HERC1: variants seen among roughly 807,000 people sequenced by gnomAD.
HERC1 encodes probable E3 ubiquitin-protein ligase HERC1.
Under a neutral mutation model 554.3 loss-of-function variants are expected in HERC1, and 160 were observed. The observed-to-expected ratio is 0.29, with a 90% CI of 0.25 to 0.33. HERC1 has a LOEUF of 0.33. Ranked by LOEUF, HERC1 falls within the 10% of genes least tolerant of loss-of-function variation. The pLI is 1.00. For synonymous variants in HERC1, 2,175 were observed against 2,131.7 expected (o/e 1.02, Z -0.56); for missense variants, 4,919 against 5,918.5 (o/e 0.83, Z 5.54).
chr15:63,610,025 A>G (rs1218905663), intron 77 of HERC1, among the ~76,000 whole-genome samples: 1 of 152,178 alleles, frequency 6.6e-6, no homozygotes, highest in African/African-American at 2.4e-5. Flanking sequence ...GAGAGACAGG[A>G]TTATATACGT....
At chr15:63,624,426 G>A in intron 71 of HERC1, 99 bp from the exon 72 acceptor site, 6 of 1,107,402 alleles carry the variant, frequency 5.4e-6, no homozygotes, top group Non-Finnish European at 7.7e-6. Flanking sequence ...GCTGGGCGCA[G>A]TGGCTCATGC....
intron 70 of HERC1, among the ~76,000 whole-genome samples, 157 bp from the exon 71 acceptor site, chr15:63,626,311 A>G (rs2068298184): frequency 6.6e-6 from 1 of 152,212 alleles, no homozygotes; most frequent in Admixed American, 6.5e-5. Flanking sequence ...TGGTGTGTGC[A>G]TTTGTGTTGG....
At position 63,723,390 on chromosome 15, in the gene HERC1, C is replaced by T. The variant is rs2073902618; in HGVS notation, c.3569-35G>A. 3 of 1,416,716 alleles carry T rather than the reference C, an allele frequency of 2.1e-6. No homozygotes were observed. The East Asian group carries it at 7.4e-5, about 35-fold the overall frequency. The allele number at this position is 1,416,716 out of a possible 1,614,324, so 87.8% of individuals were successfully genotyped here. A position where few individuals can be genotyped will look rare whatever the true frequency, so the allele number is the denominator to read the frequency against. On this transcript the variant is annotated intron_variant, in intron 18 of 77. Coordinates refer to ENST00000443617, the MANE Select transcript of HERC1 (RefSeq NM_003922.4). Reference sequence around the variant, plus strand: ...ATACTCACGTTACCAATTTTAACATCATAAATTTTGGTGCTACAGATAAAA... The same window carrying T: ...ATACTCACGTTACCAATTTTAACATTATAAATTTTGGTGCTACAGATAAAA...
At chr15:63,679,382 G>A (rs1361266864) in intron 36 of HERC1, among the ~76,000 whole-genome samples, 2 of 152,096 alleles carry the variant, frequency 1.3e-5, no homozygotes, top group Non-Finnish European at 2.9e-5. Flanking sequence ...AATTTTCTTG[G>A]TTAGAATATA....
At chr15:63,623,332 C>G (rs943269466) in intron 73 of HERC1, among the ~76,000 whole-genome samples, 28 of 152,182 alleles carry the variant, frequency 1.8e-4, no homozygotes, top group Non-Finnish European at 4.4e-5. Flanking sequence ...CAGTTCGTAA[C>G]TTTATTTTTC....
At chr15:63,693,480 G>A (rs1044820796) in intron 30 of HERC1, among the ~76,000 whole-genome samples, 3 of 152,108 alleles carry the variant, frequency 2.0e-5, no homozygotes, top group Non-Finnish European at 4.4e-5. Flanking sequence ...CTGGGCTCAA[G>A]CAATCCACCC....
intron 65 of HERC1, among the ~76,000 whole-genome samples, chr15:63,635,373 T>G (rs2068737623): frequency 6.6e-6 from 1 of 152,162 alleles, no homozygotes. Context: ...TCTGCCCAAG[T>G]TGCTCTCCTG....
chr15:63,706,842 TA>T lies in HERC1; in HGVS notation c.4585-12del, dbSNP rs762317701. The stretch of plus-strand genomic sequence containing the variant: ...ATTTCGTCTGCCACTCTATTAAAAG[TA>T]AAAAGTAAATAAATAAAATTTAGTT... On this transcript the variant is annotated splice_polypyrimidine_tract_variant and intron_variant, in intron 24 of 77. Coordinates refer to ENST00000443617, the MANE Select transcript of HERC1 (RefSeq NM_003922.4). 17 of 1,507,284 alleles carry T rather than the reference TA, an allele frequency of 1.1e-5. No homozygotes were observed. In the Admixed American group the frequency reaches 2.0e-4, roughly 18 times the overall value. The allele number at this position is 1,507,284 out of a possible 1,614,324, so 93.4% of individuals were successfully genotyped here. A position where few individuals can be genotyped will look rare whatever the true frequency, so the allele number is the denominator to read the frequency against.
chr15:63,652,014 C>T (rs1426859486), intron 52 of HERC1, among the ~76,000 whole-genome samples: 1 of 152,038 alleles, frequency 6.6e-6, no homozygotes, highest in Non-Finnish European at 1.5e-5. Flanking sequence ...CTAGCCTAGG[C>T]AGCAGAGCGA....
chr15:63,815,900 A>C (rs540867852), intron 1 of HERC1, among the ~76,000 whole-genome samples: 27 of 152,316 alleles, frequency 1.8e-4, no homozygotes, highest in African/African-American at 6.3e-4. Flanking sequence ...GGCAAGAAGG[A>C]GAAGTGCCTA....
chr15:63,634,255 T>A (rs1174355146), intron 66 of HERC1, among the ~76,000 whole-genome samples: 1 of 152,212 alleles, frequency 6.6e-6, no homozygotes, highest in Non-Finnish European at 1.5e-5. Context: ...CCCAAAAATA[T>A]TCATTCATAT....
At chr15:63,760,435 C>CAAAAAAAAAAAAAAAAAAAAA (rs34164820) in intron 3 of HERC1, among the ~76,000 whole-genome samples, 1 of 91,424 alleles carries the variant, frequency 1.1e-5, no homozygotes, top group Non-Finnish European at 2.0e-5. Flanking sequence ...AGACACCATC[C>CAAAAAAAAAAAAAAAAAAAAA]AAAAAAAAAA....
At chr15:63,651,769 T>A (rs1050701271) in intron 52 of HERC1, among the ~76,000 whole-genome samples, 1 of 152,210 alleles carries the variant, frequency 6.6e-6, no homozygotes, top group African/African-American at 2.4e-5. Flanking sequence ...CTGGGCGTAG[T>A]GGCTCACATC....
Position 63,648,163 on chromosome 15 carries a change from C to A in HERC1, c.10784G>T (p.Arg3595Ile). The A allele has an allele frequency of 6.2e-7, 1 of 1,601,666 alleles. No homozygotes were observed. Among genetic ancestry groups the A allele is most frequent in the Non-Finnish European group, 8.5e-7 (1 of 1,173,138 alleles). The change falls in exon 55 of 78, where the codon AGA becomes ATA. Residue 3595 changes from arginine (R) to isoleucine (I), a missense_variant. Arg to Ile is a moderately conservative substitution (Grantham distance 97). Coordinates refer to ENST00000443617, the MANE Select transcript of HERC1 (RefSeq NM_003922.4). ...VTCIAWFSED[R>I]PFAVGYFDGK... ...ATCAAAATATCCCACTGCAAATGGT[C>A]TGTCTTCACTGAACCATGCAATGCA...
chr15:63,832,809 GA>G (rs1228652437), intron 1 of HERC1, among the ~76,000 whole-genome samples: 1 of 152,060 alleles, frequency 6.6e-6, no homozygotes, highest in Non-Finnish European at 1.5e-5. Context: ...ATAGAATGAG[GA>G]AGTCCCAAGC....
intron 17 of HERC1, among the ~76,000 whole-genome samples, chr15:63,726,137 G>A (rs1276287061): frequency 3.3e-5 from 5 of 151,978 alleles, no homozygotes; most frequent in African/African-American, 1.2e-4. Context: ...GTGCACCACG[G>A]TGCCTGGCTA....
chr15:63,647,982 T>A (rs1256197807), intron 55 of HERC1, 87 bp downstream of exon 55: 1 of 1,049,034 alleles, frequency 9.5e-7, no homozygotes, highest in Non-Finnish European at 1.4e-6. Context: ...TATCTTAAAA[T>A]CTCTGACTTC....
Position 63,776,422 on chromosome 15 carries a change from ACACC to A in HERC1, c.-26-777_-26-774del, listed in dbSNP as rs548389920. Among the ~76,000 whole-genome samples, 10 of 152,342 alleles carry A rather than the reference ACACC, an allele frequency of 6.6e-5. No individual in the cohort carries two copies. The South Asian group carries it at 2.1e-3, about 32-fold the overall frequency. On this transcript the variant is annotated intron_variant, in intron 1 of 77. Transcript: ENST00000443617. Reference sequence around the variant, plus strand: ...TTGGGACTCATAATTGTAGAATGGAACACCCACTTTGGAAAGGTGGCTGGCAGTT... The same window carrying A: ...TTGGGACTCATAATTGTAGAATGGAACACTTTGGAAAGGTGGCTGGCAGTT...
Position 63,615,891 on chromosome 15 carries a change from C to A in HERC1, c.13971G>T (p.Gln4657His). ...TAGGAACCATTTTGCCATCAGCACT[C>A]TGGCCAACAAAAGAATCAAGAGGAA... ...EMIPLDSFVG[Q>H]SADGKMVPII... The change falls in exon 76 of 78, where the codon CAG becomes CAT. Residue 4657 changes from glutamine (Q) to histidine (H), a missense_variant. Gln to His is a conservative substitution (Grantham distance 24). This residue lies in a region of HERC1 where 284 missense variants were observed against 294.1 expected (regional missense o/e 0.97). Transcript: ENST00000443617. The A allele has an allele frequency of 6.3e-7, 1 of 1,598,470 alleles. No homozygotes were observed. Among genetic ancestry groups the A allele is most frequent in the Non-Finnish European group, 8.5e-7 (1 of 1,174,122 alleles).
Sources: allele counts gnomAD v4.1 joint callset (sites outside exome capture counted in the v4.1 genomes callset), GRCh38; gene constraint gnomAD v4.1.1; regional missense constraint gnomAD v4.1.1; transcripts MANE v1.5; gene names NCBI Gene and HGNC (gene_info 2026-07-23, HGNC 2026-07-21).